Variants in PPARGC1A observed in about 807,000 individuals in gnomAD.
The protein encoded by PPARGC1A is peroxisome proliferator-activated receptor gamma coactivator 1-alpha.
A neutral mutation model predicts 88.7 loss-of-function variants in PPARGC1A; 25 were observed. The ratio of observed to expected loss-of-function variants is 0.28; its 90% CI spans 0.21 to 0.39. The LOEUF (loss-of-function observed/expected upper bound fraction) is 0.39, where lower values mean the gene tolerates loss of function less well. PPARGC1A is among the 10% of genes least tolerant of loss of function. The probability of loss-of-function intolerance (pLI) is 1.00; values close to 1 mark genes in which losing one functional copy is unlikely to be tolerated. For synonymous variants in PPARGC1A, 363 were observed against 355.6 expected (o/e 1.02, Z -0.24); for missense variants, 880 against 968.7 (o/e 0.91, Z 1.22).
the PPARGC1A span, among the ~76,000 whole-genome samples, chr4:24,168,750 C>T: frequency 3.3e-5 from 5 of 152,080 alleles, no homozygotes; most frequent in South Asian, 2.1e-4. Flanking sequence ...AAAAATACTA[C>T]GGTGTTGGAT....
chr4:24,041,880 G>T, the PPARGC1A span, among the ~76,000 whole-genome samples: 1 of 151,326 alleles, frequency 6.6e-6, no homozygotes, highest in African/African-American at 2.4e-5. Flanking sequence ...GTGTCAGATT[G>T]TGAGATATGA....
At chr4:24,419,352 AGTGTGTGTGT>A in the PPARGC1A span, among the ~76,000 whole-genome samples, 1 of 138,820 alleles carries the variant, frequency 7.2e-6, no homozygotes, top group Non-Finnish European at 1.5e-5. Flanking sequence ...CAAATCTTCA[AGTGTGTGTGT>A]GTGTGTGTGT....
At chr4:23,910,180 A>T in the PPARGC1A span, among the ~76,000 whole-genome samples, 2 of 120,686 alleles carry the variant, frequency 1.7e-5, 1 homozygote, top group East Asian at 5.0e-4. Context: ...TATATAATAA[A>T]TATATATAAA....
chr4:24,108,861 A>G, the PPARGC1A span, among the ~76,000 whole-genome samples: 725 of 152,260 alleles, frequency 4.8e-3, 9 homozygotes, highest in African/African-American at 0.017. Context: ...TAGGGGAAAA[A>G]AAAGGATGTG....
the PPARGC1A span, among the ~76,000 whole-genome samples, chr4:24,377,997 T>C: frequency 1.3e-5 from 2 of 152,210 alleles, 1 homozygote; most frequent in Admixed American, 1.3e-4. Context: ...TACGATTGCT[T>C]CAGCTTTACA....
the PPARGC1A span, among the ~76,000 whole-genome samples, chr4:24,156,263 A>G: frequency 6.6e-6 from 1 of 152,194 alleles, no homozygotes; most frequent in Admixed American, 6.5e-5. Context: ...TTAGTGGGGA[A>G]TATTCCAATT....
chr4:23,792,507 C>G lies in PPARGC1A; in HGVS notation c.*3315G>C, dbSNP rs1283449373. ...ACCCCAATAGTGCAAAGTTCCCTCT[C>G]TGCTGCTTTGAATGTTGACAGCCCA... is the stretch of plus-strand genomic sequence containing the variant. On this transcript the variant is annotated 3_prime_UTR_variant, in exon 13 of 13. Transcript: ENST00000264867. 1 of 151,930 alleles carries G rather than the reference C, an allele frequency of 6.6e-6. No individual in the cohort carries two copies. The highest frequency in any genetic ancestry group is 1.5e-5 in the Non-Finnish European group (1 of 67,938). 9.4% of individuals were successfully genotyped at this position (151,930 alleles called of 1,614,324 possible).
At chr4:24,396,317 G>A in the PPARGC1A span, among the ~76,000 whole-genome samples, 1 of 152,202 alleles carries the variant, frequency 6.6e-6, no homozygotes, top group Non-Finnish European at 1.5e-5. Context: ...ACTTACACAT[G>A]CTCATTCTAG....
chr4:23,864,728 T>C (rs998642540), intron 2 of PPARGC1A, among the ~76,000 whole-genome samples: 8 of 152,158 alleles, frequency 5.3e-5, no homozygotes, highest in Admixed American at 5.2e-4. Context: ...AACAAGAAGT[T>C]AGGCAACCTG....
the PPARGC1A span, among the ~76,000 whole-genome samples, chr4:24,389,676 G>C: frequency 6.6e-6 from 1 of 152,148 alleles, no homozygotes; most frequent in African/African-American, 2.4e-5. Flanking sequence ...TATTAATAAT[G>C]ATAACATAAA....
At chr4:24,466,321 C>T in the PPARGC1A span, among the ~76,000 whole-genome samples, 1 of 152,194 alleles carries the variant, frequency 6.6e-6, no homozygotes, top group African/African-American at 2.4e-5. Context: ...ATAAATGACA[C>T]CATTGCCAAA....
At chr4:24,445,910 A>G in the PPARGC1A span, among the ~76,000 whole-genome samples, 20 of 152,204 alleles carry the variant, frequency 1.3e-4, no homozygotes, top group Middle Eastern at 6.8e-3. Flanking sequence ...TCTACTAAAA[A>G]TACAAAACTA....
chr4:23,966,481 T>C, the PPARGC1A span, among the ~76,000 whole-genome samples: 1 of 152,242 alleles, frequency 6.6e-6, no homozygotes, highest in Non-Finnish European at 1.5e-5. Flanking sequence ...GTAGAGATTA[T>C]GCAATATGTG....
chr4:24,387,916 A>AAG, the PPARGC1A span, among the ~76,000 whole-genome samples: 6 of 20,410 alleles, frequency 2.9e-4, 1 homozygote, highest in African/African-American at 5.9e-4. Context: ...GAAAGAAAGA[A>AAG]AGAAAGAAAG....
the PPARGC1A span, among the ~76,000 whole-genome samples, chr4:24,129,579 C>G: frequency 6.6e-6 from 1 of 152,126 alleles, no homozygotes; most frequent in African/African-American, 2.4e-5. Flanking sequence ...TTGTGGAAGT[C>G]AGTGTGGCAA....
chr4:24,039,002 G>A, the PPARGC1A span, among the ~76,000 whole-genome samples: 3 of 152,098 alleles, frequency 2.0e-5, no homozygotes, highest in African/African-American at 7.2e-5. Flanking sequence ...TTACATTCAC[G>A]AAACAGACAA....
chr4:23,835,466 TTGTG>T (rs145407468), intron 2 of PPARGC1A, among the ~76,000 whole-genome samples: 1,437 of 135,334 alleles, frequency 0.011, 11 homozygotes, highest in African/African-American at 0.017. Context: ...GCATGGCGGC[TTGTG>T]TGTGTGTGTG....
the PPARGC1A span, among the ~76,000 whole-genome samples, chr4:24,280,165 G>C: frequency 6.6e-6 from 1 of 152,098 alleles, no homozygotes; most frequent in South Asian, 2.1e-4. Flanking sequence ...AGAGCAACTC[G>C]ACAGTCCAAA....
At chr4:23,889,491 C>G in intron 1 of PPARGC1A, 2 of 480,716 alleles carry the variant, frequency 4.2e-6, no homozygotes, top group Non-Finnish European at 5.4e-6. Flanking sequence ...TATATTTGAA[C>G]ACATCCATTT....
Sources: gnomAD v4.1 joint callset for allele counts (sites outside exome capture counted in the v4.1 genomes callset) on GRCh38, gnomAD v4.1.1 for gene constraint, MANE v1.5 for transcripts, NCBI Gene and HGNC (gene_info 2026-07-23, HGNC 2026-07-21) for gene names.